Variants in NTNG1 observed in about 807,000 individuals in gnomAD.
NTNG1 encodes the protein netrin-G1.
NTNG1 carries 16 observed loss-of-function variants against 54.0 expected under a neutral mutation model. The ratio of observed to expected loss-of-function variants is 0.30; its 90% CI spans 0.20 to 0.45. The LOEUF is 0.45. Ranked by LOEUF, NTNG1 falls within the 20% of genes least tolerant of loss-of-function variation. The probability of loss-of-function intolerance (pLI) is 1.00; values close to 1 mark genes in which losing one functional copy is unlikely to be tolerated. For missense variants in NTNG1, 530 were observed against 678.7 expected (o/e 0.78, Z 2.43); for synonymous variants, 255 against 263.1 (o/e 0.97, Z 0.30).
intron 2 of NTNG1, among the ~76,000 whole-genome samples, chr1:107,171,595 T>C (rs1377298343): frequency 6.6e-6 from 1 of 152,182 alleles, no homozygotes; most frequent in Non-Finnish European, 1.5e-5. Context: ...ACTTAGAAGC[T>C]TCCAGACTGC....
At chr1:107,281,329 C>A (rs1314397370) in intron 2 of NTNG1, among the ~76,000 whole-genome samples, 1 of 151,758 alleles carries the variant, frequency 6.6e-6, no homozygotes, top group Non-Finnish European at 1.5e-5. Context: ...CCCTTAACTG[C>A]TCTTGGAATT....
intron 2 of NTNG1, among the ~76,000 whole-genome samples, chr1:107,185,701 T>C (rs1203024938): frequency 1.3e-5 from 2 of 152,090 alleles, no homozygotes; most frequent in African/African-American, 4.8e-5. Flanking sequence ...TGTGCTTCAA[T>C]TGGTTAAAAC....
At position 107,258,990 on chromosome 1, in the gene NTNG1, C is replaced by A. The variant is rs57993590; in HGVS notation, c.247-65292C>A. 9.4e-3 allele frequency among the ~76,000 whole-genome samples: 1,423 copies of A among 152,068 alleles called. 25 individuals are homozygous for A. Among genetic ancestry groups the A allele is most frequent in the African/African-American group, 0.032 (1,316 of 41,468 alleles). ...AGGGAAAATGGAAAATAAAGTAAGGCAATAATTTAAAGGAGTCCTAAAAAT... is the reference window on the plus strand; with the variant it reads ...AGGGAAAATGGAAAATAAAGTAAGGAAATAATTTAAAGGAGTCCTAAAAAT... On this transcript the variant is annotated intron_variant, in intron 2 of 7. Transcript: ENST00000370068.
intron 3 of NTNG1, among the ~76,000 whole-genome samples, chr1:107,381,528 T>C (rs12736002): frequency 0.11 from 17,248 of 152,192 alleles, 1,201 homozygotes; most frequent in Non-Finnish European, 0.16. Flanking sequence ...CTCTGGTTGA[T>C]CCAGATCATG....
rs1352452646 is a variant in NTNG1 at position 107,148,574 on chromosome 1, A to C, written c.-20A>C. 6.2e-7 allele frequency: 1 copy of C among 1,610,366 alleles called. No homozygotes were observed. Among genetic ancestry groups the C allele is most frequent in the South Asian group, 1.1e-5 (1 of 90,792 alleles). On this transcript the variant is annotated 5_prime_UTR_variant, in exon 2 of 8. Transcript: ENST00000370068. ...GCAAGCTCTGCTTTAGTTTCCAAGA[A>C]GATTACAAAGAATTTAGAGATGTAT...
chr1:107,149,923 T>G (rs1339271277), intron 2 of NTNG1, among the ~76,000 whole-genome samples: 1 of 152,164 alleles, frequency 6.6e-6, no homozygotes, highest in African/African-American at 2.4e-5. Flanking sequence ...GTGAAACTAT[T>G]AATCAAAGTA....
chr1:107,149,995 T>TA (rs1422969081), intron 2 of NTNG1, among the ~76,000 whole-genome samples: 1 of 152,112 alleles, frequency 6.6e-6, no homozygotes, highest in African/African-American at 2.4e-5. Context: ...CCTAGCACCA[T>TA]AAAAAAGGTT....
At chr1:107,194,149 G>C (rs762702264) in intron 2 of NTNG1, among the ~76,000 whole-genome samples, 14 of 151,784 alleles carry the variant, frequency 9.2e-5, no homozygotes, top group Non-Finnish European at 2.1e-4. Flanking sequence ...CCAACTCTTA[G>C]CATTCTTCAG....
In NTNG1 at chr1:107,246,408, C is replaced by CAA. The variant is rs61237534; in HGVS notation, c.247-77859_247-77858dup. Among the ~76,000 whole-genome samples, 526 of 138,594 alleles carry CAA rather than the reference C, an allele frequency of 3.8e-3. 2 individuals carry two copies. Among genetic ancestry groups the CAA allele is most frequent in the African/African-American group, 0.011 (396 of 37,164 alleles). The allele number at this position is 138,594 out of a possible 152,430, so 90.9% of individuals were successfully genotyped here. ...GAGAGTTTTATTCTCCTTGTTTAAG[C>CAA]AAAAAAAAAAAAAAAATGTCCTTGT... On this transcript the variant is annotated intron_variant, in intron 2 of 7. Coordinates refer to ENST00000370068, the MANE Select transcript of NTNG1 (RefSeq NM_001113226.3).
chr1:107,188,783 T>A (rs12142289), intron 2 of NTNG1, among the ~76,000 whole-genome samples: 19,965 of 152,060 alleles, frequency 0.13, 2,714 homozygotes, highest in African/African-American at 0.35. Flanking sequence ...TTGCATTAGG[T>A]TTCCTGACTT....
chr1:107,220,130 T>G (rs1331470569), intron 2 of NTNG1, among the ~76,000 whole-genome samples: 4 of 152,138 alleles, frequency 2.6e-5, no homozygotes, highest in African/African-American at 9.7e-5. Context: ...CTCTACTGTG[T>G]CACACAGGTT....
At chr1:107,361,924 C>T (rs1470046037) in intron 3 of NTNG1, among the ~76,000 whole-genome samples, 2 of 152,050 alleles carry the variant, frequency 1.3e-5, no homozygotes, top group Non-Finnish European at 2.9e-5. Flanking sequence ...AATCTTAGAG[C>T]GTGGCTGACA....
chr1:107,327,766 G>T (rs1485670286), intron 3 of NTNG1, among the ~76,000 whole-genome samples: 1 of 152,116 alleles, frequency 6.6e-6, no homozygotes, highest in African/African-American at 2.4e-5. Context: ...ATGGAGACCA[G>T]ATGTAAACAT....
chr1:107,400,710 A>C (rs1252615431), intron 4 of NTNG1, among the ~76,000 whole-genome samples: 1 of 150,278 alleles, frequency 6.7e-6, no homozygotes. Context: ...GTGCAATGGC[A>C]TGATCTTGGC....
intron 3 of NTNG1, among the ~76,000 whole-genome samples, chr1:107,360,624 T>G (rs1191237939): frequency 5.3e-5 from 8 of 152,292 alleles, no homozygotes; most frequent in East Asian, 3.9e-4. Context: ...CATAAATAAT[T>G]TATTTGAATT....
At chr1:107,332,310 T>A (rs1288810706) in intron 3 of NTNG1, among the ~76,000 whole-genome samples, 1 of 127,630 alleles carries the variant, frequency 7.8e-6, no homozygotes, top group African/African-American at 2.6e-5. Flanking sequence ...GTGCCATAGA[T>A]TTTTTAAGCT....
chr1:107,378,124 G>T (rs531257810), intron 3 of NTNG1, among the ~76,000 whole-genome samples: 1 of 152,140 alleles, frequency 6.6e-6, no homozygotes, highest in Non-Finnish European at 1.5e-5. Flanking sequence ...ATTATTTTAC[G>T]TGCTTGCAAT....
intron 6 of NTNG1, among the ~76,000 whole-genome samples, chr1:107,431,940 A>C (rs1675293192): frequency 6.6e-6 from 1 of 152,156 alleles, no homozygotes; most frequent in Admixed American, 6.5e-5. Context: ...TTCTGTGATC[A>C]TTGTCCTCTG....
chr1:107,432,573 T>G (rs1026448668), intron 6 of NTNG1, among the ~76,000 whole-genome samples: 1 of 152,160 alleles, frequency 6.6e-6, no homozygotes, highest in African/African-American at 2.4e-5. Flanking sequence ...CCAAAAGACA[T>G]GTAGTTGTCT....
Sources: allele counts gnomAD v4.1 joint callset (sites outside exome capture counted in the v4.1 genomes callset), GRCh38; gene constraint gnomAD v4.1.1; transcripts MANE v1.5; gene names NCBI Gene and HGNC (gene_info 2026-07-23, HGNC 2026-07-21).